Variants in ENTREP1 observed in about 807,000 individuals in gnomAD.
ENTREP1 encodes Friedreich ataxia region gene X123.
chr9:69,348,579 C>A, the ENTREP1 span, among the ~76,000 whole-genome samples: 1 of 152,316 alleles, frequency 6.6e-6, no homozygotes, highest in African/African-American at 2.4e-5. Flanking sequence ...AAATCCTGTA[C>A]CCATTAGAAG....
the ENTREP1 span, among the ~76,000 whole-genome samples, chr9:69,340,800 CAT>C: frequency 2.1e-4 from 11 of 51,520 alleles, no homozygotes; most frequent in African/African-American, 3.1e-4. Flanking sequence ...TGTGTGTGTG[CAT>C]GTGTGTGTGT....
chr9:69,383,563 G>A, the ENTREP1 span: 132 of 1,598,544 alleles, frequency 8.3e-5, no homozygotes, highest in Admixed American at 1.0e-3. Context: ...GCCAGTATCC[G>A]GGCATCACTG....
At chr9:69,372,329 T>C in the ENTREP1 span, among the ~76,000 whole-genome samples, 2 of 152,202 alleles carry the variant, frequency 1.3e-5, no homozygotes, top group Non-Finnish European at 2.9e-5. Context: ...TCTATGCATA[T>C]TGAACAGCAA....
the ENTREP1 span, chr9:69,384,035 ACATTGTGACATGATT>A: frequency 6.4e-7 from 1 of 1,574,018 alleles, no homozygotes; most frequent in South Asian, 1.1e-5. Context: ...GGTAATAGAT[ACATTGTGACATGATT>A]CAGTAGATTA....
At chr9:69,341,748 A>C in the ENTREP1 span, among the ~76,000 whole-genome samples, 1 of 152,226 alleles carries the variant, frequency 6.6e-6, no homozygotes, top group Non-Finnish European at 1.5e-5. Context: ...ATGCATTTAC[A>C]AAATGAGCTG....
At chr9:69,366,902 T>A in the ENTREP1 span, among the ~76,000 whole-genome samples, 1 of 152,028 alleles carries the variant, frequency 6.6e-6, no homozygotes, top group Admixed American at 6.6e-5. Context: ...TCTACATTTT[T>A]AAAATTTTAA....
chr9:69,375,770 G>A, the ENTREP1 span: 1 of 1,613,796 alleles, frequency 6.2e-7, no homozygotes, highest in Non-Finnish European at 8.5e-7. Context: ...TGCTTCTGTT[G>A]TGAAGAATTT....
the ENTREP1 span, among the ~76,000 whole-genome samples, chr9:69,339,054 C>T: frequency 6.6e-6 from 1 of 152,050 alleles, no homozygotes; most frequent in African/African-American, 2.4e-5. Flanking sequence ...GGGTCTTTCT[C>T]TGTTGCCCAG....
chr9:69,378,869 TAAG>T, the ENTREP1 span, among the ~76,000 whole-genome samples: 1 of 152,130 alleles, frequency 6.6e-6, no homozygotes, highest in African/African-American at 2.4e-5. Flanking sequence ...CCTCTACCAT[TAAG>T]GAGCTCACAG....
chr9:69,360,963 G>A, the ENTREP1 span, among the ~76,000 whole-genome samples: 66,063 of 151,786 alleles, frequency 0.44, 14,830 homozygotes, highest in African/African-American at 0.55. Context: ...GCTAAGTATA[G>A]GATTCCAAAA....
chr9:69,348,846 T>G, the ENTREP1 span, among the ~76,000 whole-genome samples: 1 of 152,218 alleles, frequency 6.6e-6, no homozygotes, highest in Non-Finnish European at 1.5e-5. Flanking sequence ...TCACATTTTA[T>G]TTATTTATTC....
the ENTREP1 span, among the ~76,000 whole-genome samples, chr9:69,328,696 TG>T: frequency 6.6e-6 from 1 of 152,136 alleles, no homozygotes; most frequent in African/African-American, 2.4e-5. Flanking sequence ...AGTTGAGAAC[TG>T]CAGAATTAAA....
the ENTREP1 span, chr9:69,375,885 C>G: frequency 6.2e-6 from 10 of 1,609,008 alleles, no homozygotes; most frequent in Non-Finnish European, 8.5e-6. Context: ...CAGATTCCCA[C>G]CCGCACGGTA....
At chr9:69,337,297 C>T in the ENTREP1 span, among the ~76,000 whole-genome samples, 3 of 152,050 alleles carry the variant, frequency 2.0e-5, no homozygotes, top group Non-Finnish European at 4.4e-5. Context: ...CATGAGCCAC[C>T]GCGCCTGGAC....
chr9:69,367,786 C>CACACATATATAAATATATATAT, the ENTREP1 span, among the ~76,000 whole-genome samples: 1 of 95,300 alleles, frequency 1.0e-5, no homozygotes, highest in African/African-American at 3.5e-5. Context: ...AATATATATA[C>CACACATATATAAATATATATAT]ACACATATAT....
the ENTREP1 span, among the ~76,000 whole-genome samples, chr9:69,352,286 T>C: frequency 6.6e-6 from 1 of 151,916 alleles, no homozygotes. Context: ...ACCCGGCTGA[T>C]TTTTGTATTT....
At chr9:69,383,240 G>A in the ENTREP1 span, 35 of 691,324 alleles carry the variant, frequency 5.1e-5, no homozygotes, top group East Asian at 1.3e-4. Flanking sequence ...ACATTATTTC[G>A]TAACCATCAT....
At chr9:69,369,297 G>A in the ENTREP1 span, among the ~76,000 whole-genome samples, 1 of 152,138 alleles carries the variant, frequency 6.6e-6, no homozygotes, top group African/African-American at 2.4e-5. Flanking sequence ...ACATACGTGT[G>A]TGTGTGTGTC....
At chr9:69,364,041 C>T in the ENTREP1 span, among the ~76,000 whole-genome samples, 1 of 152,126 alleles carries the variant, frequency 6.6e-6, no homozygotes, top group African/African-American at 2.4e-5. Flanking sequence ...TCAGATGTCA[C>T]AAGCAAAAGA....
Sources: gnomAD v4.1 joint callset for allele counts (sites outside exome capture counted in the v4.1 genomes callset) on GRCh38, gnomAD v4.1.1 for gene constraint, MANE v1.5 for transcripts, NCBI Gene and HGNC (gene_info 2026-07-23, HGNC 2026-07-21) for gene names.